PDE4D: variants seen among roughly 807,000 people sequenced by gnomAD.
PDE4D encodes the protein 3',5'-cyclic-AMP phosphodiesterase 4D.
A neutral mutation model predicts 87.4 loss-of-function variants in PDE4D; 24 were observed. The observed-to-expected ratio is 0.27, with a 90% CI of 0.20 to 0.39. The LOEUF is 0.39. Among genes scored for constraint, PDE4D ranks in the 10% least tolerant of loss-of-function variants. The pLI is 1.00. For synonymous variants in PDE4D, 384 were observed against 383.2 expected, an observed-to-expected ratio of 1.00 and a Z score of -0.02; for missense variants, 714 against 1,041.0, an observed-to-expected ratio of 0.69 and a Z score of 4.32.
intron 1 of PDE4D, among the ~76,000 whole-genome samples, chr5:60,445,495 G>C (rs891729126): frequency 6.6e-6 from 1 of 152,126 alleles, no homozygotes; most frequent in African/African-American, 2.4e-5. Context: ...GATGGATTAA[G>C]ATTTGCATGT....
intron 3 of PDE4D, among the ~76,000 whole-genome samples, chr5:59,923,952 A>C (rs1673891720): frequency 1.3e-5 from 2 of 152,222 alleles, no homozygotes; most frequent in Admixed American, 6.5e-5. Context: ...AATTCAAAAT[A>C]GCTGTTTTGA....
rs1761432760 is a variant in PDE4D at position 59,977,258 on chromosome 5, T to C, written c.272+11230A>G. ...TTGAAGGAAATTAAAAGTACTACTCTGGTGAACACAGAAATGACAAGAAAG... is the reference window on the plus strand; with the variant it reads ...TTGAAGGAAATTAAAAGTACTACTCCGGTGAACACAGAAATGACAAGAAAG... On this transcript the variant is annotated intron_variant, in intron 3 of 16. Coordinates refer to the PDE4D transcript ENST00000502484. 3.9e-5 allele frequency among the ~76,000 whole-genome samples: 6 copies of C among 152,330 alleles called. No homozygotes were observed. The South Asian group carries it at 1.2e-3, about 32-fold the overall frequency.
intron 2 of PDE4D, among the ~76,000 whole-genome samples, chr5:60,106,618 C>A (rs1776955121): frequency 6.6e-6 from 1 of 150,864 alleles, no homozygotes; most frequent in Admixed American, 6.6e-5. Context: ...GTAAAGCTCT[C>A]CTCAGCAAAT....
At chr5:59,659,850 C>T (rs973179575) in intron 1 of PDE4D, among the ~76,000 whole-genome samples, 2 of 152,162 alleles carry the variant, frequency 1.3e-5, no homozygotes, top group Admixed American at 1.3e-4. Context: ...TTCCTATTCT[C>T]TGACAACTCT....
chr5:59,129,937 C>CT (rs2153450416), intron 5 of PDE4D, among the ~76,000 whole-genome samples: 1 of 152,148 alleles, frequency 6.6e-6, no homozygotes, highest in East Asian at 1.9e-4. Context: ...ATCACAATGC[C>CT]TAGCACATAG....
intron 5 of PDE4D, among the ~76,000 whole-genome samples, chr5:59,112,915 C>G (rs1181363015): frequency 6.6e-6 from 1 of 152,036 alleles, no homozygotes; most frequent in East Asian, 1.9e-4. Flanking sequence ...ATTCTCCTGC[C>G]TCAGCCTCCT....
In PDE4D at chr5:59,102,884, G is replaced by C. The variant is rs78067272; in HGVS notation, c.809-63913C>G. Among the ~76,000 whole-genome samples, 398 of 152,300 alleles carry C rather than the reference G, an allele frequency of 2.6e-3. 16 individuals are homozygous for C. In the East Asian group the frequency reaches 0.062, roughly 24 times the overall value. ...TCAGTATATACTTGGCATGCCTGGG[G>C]AGGGGGAGCATAACACTTAACAGCC... On this transcript the variant is annotated intron_variant, in intron 5 of 14. Transcript: ENST00000340635.
intron 3 of PDE4D, among the ~76,000 whole-genome samples, chr5:59,902,512 T>C (rs1173180358): frequency 1.3e-5 from 2 of 152,188 alleles, no homozygotes; most frequent in Admixed American, 6.5e-5. Context: ...AGATGGTTGT[T>C]ACCCAGTGAG....
At chr5:59,888,688 A>G (rs1187560987) in intron 1 of PDE4D, among the ~76,000 whole-genome samples, 4 of 152,138 alleles carry the variant, frequency 2.6e-5, no homozygotes, top group Non-Finnish European at 5.9e-5. Flanking sequence ...TGATGTAGAC[A>G]ATCTGAACGG....
chr5:59,111,955 C>A (rs994006777), intron 5 of PDE4D, among the ~76,000 whole-genome samples: 6 of 152,032 alleles, frequency 3.9e-5, no homozygotes, highest in Non-Finnish European at 8.8e-5. Flanking sequence ...CAGTCTAGTA[C>A]AGGAGAGAGA....
chr5:60,315,632 A>C (rs913747592), intron 1 of PDE4D, among the ~76,000 whole-genome samples: 1 of 152,184 alleles, frequency 6.6e-6, no homozygotes, highest in African/African-American at 2.4e-5. Context: ...CTAACATTTA[A>C]GTCTTTAATC....
At chr5:59,544,780 C>G (rs1816974826) in intron 1 of PDE4D, among the ~76,000 whole-genome samples, 1 of 152,100 alleles carries the variant, frequency 6.6e-6, no homozygotes, top group South Asian at 2.1e-4. Context: ...AATGTGTGTC[C>G]TAAATGTAAC....
intron 1 of PDE4D, among the ~76,000 whole-genome samples, chr5:59,410,308 G>C (rs962502507): frequency 6.6e-6 from 1 of 152,120 alleles, no homozygotes; most frequent in Admixed American, 6.5e-5. Flanking sequence ...CTGGAGTGCA[G>C]TGGCACGATC....
At chr5:59,756,351 T>C (rs1189462105) in intron 1 of PDE4D, among the ~76,000 whole-genome samples, 1 of 152,204 alleles carries the variant, frequency 6.6e-6, no homozygotes, top group Non-Finnish European at 1.5e-5. Context: ...CACAGATTTT[T>C]TTCAGAAATA....
intron 3 of PDE4D, among the ~76,000 whole-genome samples, chr5:59,901,923 A>C (rs867757955): frequency 1.5e-5 from 2 of 134,260 alleles, no homozygotes; most frequent in Non-Finnish European, 3.2e-5. Context: ...CTTACATGCA[A>C]ACACACACAC....
intron 1 of PDE4D, among the ~76,000 whole-genome samples, chr5:59,512,783 C>T (rs2153669396): frequency 6.6e-6 from 1 of 152,128 alleles, no homozygotes; most frequent in South Asian, 2.1e-4. Context: ...CAGATAGAGA[C>T]ATTTTCTGTA....
chr5:59,977,073 A>G (rs950135915), intron 3 of PDE4D, among the ~76,000 whole-genome samples: 5 of 152,220 alleles, frequency 3.3e-5, no homozygotes, highest in African/African-American at 1.2e-4. Context: ...ACAATGGCCT[A>G]TAAGTGTTCA....
intron 1 of PDE4D, among the ~76,000 whole-genome samples, chr5:59,242,382 T>C (rs931791886): frequency 6.6e-6 from 1 of 152,186 alleles, no homozygotes; most frequent in Non-Finnish European, 1.5e-5. Flanking sequence ...AAAGTTTCAC[T>C]GATCTTTTTT....
intron 1 of PDE4D, among the ~76,000 whole-genome samples, chr5:60,207,643 TAAG>T (rs1742705367): frequency 6.6e-6 from 1 of 152,234 alleles, no homozygotes; most frequent in Non-Finnish European, 1.5e-5. Context: ...AGATCATATA[TAAG>T]AAGTGATTGA....
Sources: gnomAD v4.1 joint callset for allele counts (sites outside exome capture counted in the v4.1 genomes callset) on GRCh38, gnomAD v4.1.1 for gene constraint, MANE v1.5 for transcripts, NCBI Gene and HGNC (gene_info 2026-07-23, HGNC 2026-07-21) for gene names.